Variants in IARS1 observed in about 807,000 individuals in gnomAD.
The protein encoded by IARS1 is isoleucyl-tRNA synthetase 1.
Under a neutral mutation model 168.2 loss-of-function variants are expected in IARS1, and 124 were observed. That is an observed-to-expected ratio of 0.74 (90% CI 0.64 to 0.86). The LOEUF is 0.86. Ranked by LOEUF, IARS1 falls within the 40% of genes least tolerant of loss-of-function variation. The pLI, the probability that IARS1 is intolerant of heterozygous loss-of-function variation, is 0.00. For synonymous variants in IARS1, 532 were observed against 529.4 expected, an observed-to-expected ratio of 1.00 and a Z score of -0.07; for missense variants, 1,452 against 1,515.8, an observed-to-expected ratio of 0.96 and a Z score of 0.70.
At chr9:92,274,300 C>G in intron 10 of IARS1, 126 bp downstream of exon 10, 2 of 667,690 alleles carry the variant, frequency 3.0e-6, no homozygotes, top group Non-Finnish European at 5.4e-6. Context: ...TACAAGCCAT[C>G]TTGCAGGCAG....
At chr9:92,270,201 A>C (rs988768896) in intron 12 of IARS1, among the ~76,000 whole-genome samples, 2 of 152,210 alleles carry the variant, frequency 1.3e-5, no homozygotes, top group Non-Finnish European at 2.9e-5. Context: ...CAAGAGTAGA[A>C]AAAAATAGTT....
At chr9:92,254,120 A>C (rs1305677916) in intron 20 of IARS1, among the ~76,000 whole-genome samples, 1 of 152,234 alleles carries the variant, frequency 6.6e-6, no homozygotes, top group Non-Finnish European at 1.5e-5. Context: ...AAACTCTGGC[A>C]CAGGCTATGA....
chr9:92,237,379 C>T (rs1394263333), intron 30 of IARS1, among the ~76,000 whole-genome samples: 2 of 152,142 alleles, frequency 1.3e-5, no homozygotes, highest in African/African-American at 4.8e-5. Context: ...TTTGATTCTA[C>T]TGTGGTCAGA....
intron 1 of IARS1, among the ~76,000 whole-genome samples, chr9:92,293,155 C>A (rs1836651736): frequency 1.3e-5 from 2 of 152,146 alleles, no homozygotes; most frequent in South Asian, 4.1e-4. Flanking sequence ...TTAGTTATAT[C>A]CTATTAACAT....
At chr9:92,277,950 A>C in intron 8 of IARS1, 27 bp from the exon 9 acceptor site, 5 of 1,602,782 alleles carry the variant, frequency 3.1e-6, no homozygotes, top group Non-Finnish European at 4.3e-6. Context: ...GCAAACTCAC[A>C]ATTAGATTAA....
chr9:92,214,639 C>A (rs1009625451), intron 33 of IARS1, among the ~76,000 whole-genome samples: 6 of 152,080 alleles, frequency 3.9e-5, no homozygotes, highest in Non-Finnish European at 8.8e-5. Flanking sequence ...GTTCCCTTTC[C>A]GAGTCAAAGA....
chr9:92,243,941 A>G lies in IARS1; in HGVS notation c.2905-630T>C, dbSNP rs578025187. Among the ~76,000 whole-genome samples the G allele has an allele frequency of 1.5e-4, 23 of 152,366 alleles. No homozygotes were observed. In the East Asian group the frequency reaches 4.4e-3, roughly 29 times the overall value. ...TCGCTTCTGTTACACAGCATGTTGC[A>G]GAGTAAAATATACTCTACAAAAGAC... On this transcript the variant is annotated intron_variant, in intron 27 of 33. Transcript: ENST00000443024.
rs1564190887 is a variant in IARS1 at position 92,289,283 on chromosome 9, C to A, written c.119+18G>T. 1 of 970,906 alleles carries A rather than the reference C, an allele frequency of 1.0e-6. No individual in the cohort carries two copies. The highest frequency in any genetic ancestry group is 1.6e-6 in the Non-Finnish European group (1 of 614,416). The allele number at this position is 970,906 out of a possible 1,614,324, so 60.1% of individuals were successfully genotyped here. A position where few individuals can be genotyped will look rare whatever the true frequency, so the allele number is the denominator to read the frequency against. ...AATGACTATTCTTAAGGGAACTTAA[C>A]CTAAAAAATTCACATACTTTGGTTT... On this transcript the variant is annotated intron_variant, in intron 2 of 33. Coordinates refer to ENST00000443024, the MANE Select transcript of IARS1 (RefSeq NM_002161.6).
chr9:92,291,051 G>A (rs529315306), intron 1 of IARS1, among the ~76,000 whole-genome samples: 1 of 152,050 alleles, frequency 6.6e-6, no homozygotes, highest in South Asian at 2.1e-4. Flanking sequence ...AATGAGAGAA[G>A]TCTTAAAGTG....
At chr9:92,217,571 AT>A (rs1838935823) in intron 33 of IARS1, among the ~76,000 whole-genome samples, 1 of 150,954 alleles carries the variant, frequency 6.6e-6, no homozygotes, top group African/African-American at 2.4e-5. Flanking sequence ...AATAGACGCA[AT>A]ACAAAATGAT....
intron 30 of IARS1, among the ~76,000 whole-genome samples, chr9:92,237,957 G>A (rs553983548): frequency 3.9e-5 from 6 of 152,218 alleles, no homozygotes; most frequent in Admixed American, 1.3e-4. Flanking sequence ...CCAGTATAGA[G>A]TATAGGAGCG....
intron 21 of IARS1, chr9:92,252,338 A>T (rs1214670182): frequency 2.0e-6 from 1 of 503,564 alleles, no homozygotes; most frequent in Admixed American, 2.1e-5. Flanking sequence ...TTTTTCCTAC[A>T]ATCATAATTA....
In IARS1 at chr9:92,248,652, C is replaced by CAAA. The variant is rs886459066; in HGVS notation, c.2617-1104_2617-1102dup. ...TGGGTGACAGAGCGAGACCCTGTCA[C>CAAA]AAAAAAAAAAAAAAAAAAAAAAAAA... On this transcript the variant is annotated intron_variant, in intron 25 of 33. Coordinates refer to ENST00000443024, the MANE Select transcript of IARS1 (RefSeq NM_002161.6). 7.1e-4 allele frequency among the ~76,000 whole-genome samples: 33 copies of CAAA among 46,692 alleles called. 1 individual carries two copies. The highest frequency in any genetic ancestry group is 6.8e-3 in the South Asian group (9 of 1,322). 30.6% of individuals were successfully genotyped at this position (46,692 alleles called of 152,430 possible).
intron 14 of IARS1, among the ~76,000 whole-genome samples, chr9:92,266,508 A>G (rs1224918373): frequency 6.6e-6 from 1 of 152,208 alleles, no homozygotes; most frequent in Non-Finnish European, 1.5e-5. Flanking sequence ...ACTGTAACAC[A>G]ATGGTAAATG....
In IARS1 at chr9:92,268,202, G is replaced by A; in HGVS notation, c.1403C>T (p.Pro468Leu). The A allele has an allele frequency of 1.2e-6, 2 of 1,608,632 alleles. No homozygotes were observed. The change falls in exon 14 of 34, where the codon CCA becomes CTA. Residue 468 changes from proline to leucine, a missense_variant. Transcript: ENST00000443024. Reference protein sequence around the residue: ...SRNRYWGTPIPLWVSDDFEEV... With the variant: ...SRNRYWGTPILLWVSDDFEEV... ...CTCAAAGTCATCGCTGACCCACAGT[G>A]GGATGGGGGTGCCCCAGTATCTGTT...
At chr9:92,258,014 G>A (rs1324889025) in intron 19 of IARS1, among the ~76,000 whole-genome samples, 2 of 152,150 alleles carry the variant, frequency 1.3e-5, no homozygotes, top group Admixed American at 1.3e-4. Context: ...TGCCATTGAA[G>A]TACACTTCCA....
chr9:92,231,812 G>C (rs952344352), intron 30 of IARS1, among the ~76,000 whole-genome samples: 6 of 152,036 alleles, frequency 3.9e-5, no homozygotes, highest in African/African-American at 1.4e-4. Context: ...AGAAAAATAA[G>C]CATTTCACAT....
chr9:92,287,850 T>C lies in IARS1; in HGVS notation c.337A>G (p.Ile113Val). The C allele has an allele frequency of 1.2e-6, 2 of 1,613,918 alleles. No individual in the cohort carries two copies. Among genetic ancestry groups the C allele is most frequent in the South Asian group, 1.1e-5 (1 of 91,062 alleles). Residue 113 changes from isoleucine (I) to valine (V), a missense_variant, in exon 4 of 34, where the codon ATT becomes GTT. Physicochemically the swap from Ile to Val is conservative, Grantham distance 29. Coordinates refer to ENST00000443024, the MANE Select transcript of IARS1 (RefSeq NM_002161.6). The part of the protein sequence containing the change: ...RGPEDVAKMG[I>V]TEYNNQCRAI... ...CGGCACTGATTGTTATACTCTGTAA[T>C]CCCCATTTTGGCCACATCCTCTGGT... is the stretch of plus-strand genomic sequence containing the variant.
chr9:92,210,555 T>C lies in IARS1; in HGVS notation c.*252A>G. 2.8e-6 allele frequency: 1 copy of C among 361,336 alleles called. No individual in the cohort carries two copies. The highest frequency in any genetic ancestry group is 6.7e-5 in the South Asian group (1 of 14,824). 22.4% of individuals were successfully genotyped at this position (361,336 alleles called of 1,614,324 possible). ...AGAACTCAAGTATAGAAATAAACTGTGGGCTGAAGTAACATTGTAACCTGC... is the reference window on the plus strand; with the variant it reads ...AGAACTCAAGTATAGAAATAAACTGCGGGCTGAAGTAACATTGTAACCTGC... On this transcript the variant is annotated 3_prime_UTR_variant, in exon 34 of 34. Transcript: ENST00000443024.
Sources: allele counts gnomAD v4.1 joint callset (sites outside exome capture counted in the v4.1 genomes callset), GRCh38; gene constraint gnomAD v4.1.1; transcripts MANE v1.5; gene names NCBI Gene and HGNC (gene_info 2026-07-23, HGNC 2026-07-21).